The following SUMF1 variants were observed in gnomAD, a reference collection of about 807,000 sequenced individuals.
SUMF1 encodes the protein formylglycine-generating enzyme.
Under a neutral mutation model 47.6 loss-of-function variants are expected in SUMF1, and 48 were observed. That is an observed-to-expected ratio of 1.01 (90% confidence interval 0.80 to 1.28). The LOEUF is 1.28. SUMF1 is among the 50% of genes most tolerant of loss of function. The pLI is 0.00. For synonymous variants in SUMF1, 230 were observed against 192.1 expected, an observed-to-expected ratio of 1.20 and a Z score of -1.63; for missense variants, 571 against 485.4, an observed-to-expected ratio of 1.18 and a Z score of -1.66.
intron 8 of SUMF1, among the ~76,000 whole-genome samples, chr3:4,267,344 C>T (rs1697216509): frequency 6.6e-6 from 1 of 152,140 alleles, no homozygotes; most frequent in Non-Finnish European, 1.5e-5. Context: ...GGCTGTGAAT[C>T]CATCTGGTCC....
chr3:4,243,250 G>T (rs1398917733), intron 8 of SUMF1, among the ~76,000 whole-genome samples: 1 of 152,002 alleles, frequency 6.6e-6, no homozygotes, highest in African/African-American at 2.4e-5. Context: ...GGTTTTTTGG[G>T]TCTCTACCTC....
chr3:4,386,482 T>A (rs1198370137), intron 7 of SUMF1, among the ~76,000 whole-genome samples: 1 of 152,160 alleles, frequency 6.6e-6, no homozygotes, highest in Non-Finnish European at 1.5e-5. Flanking sequence ...AATATTAGTT[T>A]TAAGAAGATT....
intron 8 of SUMF1, chr3:4,313,992 A>G (rs981183652): frequency 1.1e-5 from 8 of 739,164 alleles, no homozygotes; most frequent in Non-Finnish European, 1.1e-5. Flanking sequence ...TGACTGTTCT[A>G]GTTAATAGGA....
At chr3:4,040,210 T>G (rs931226909) in intron 9 of SUMF1, among the ~76,000 whole-genome samples, 1 of 152,156 alleles carries the variant, frequency 6.6e-6, no homozygotes, top group Non-Finnish European at 1.5e-5. Flanking sequence ...CAATTTTAAT[T>G]TGTCAATTAT....
chr3:4,311,825 T>C (rs1360586691), intron 8 of SUMF1, among the ~76,000 whole-genome samples: 1 of 152,214 alleles, frequency 6.6e-6, no homozygotes, highest in Non-Finnish European at 1.5e-5. Context: ...AGGTATAAAA[T>C]GGTTTGAGTT....
In SUMF1 at chr3:4,420,077, TAG is replaced by T. The variant is rs774008490; in HGVS notation, c.587_588del (p.Ser196TyrfsTer17). ...ANWRHPEGPD[S>X]TILHRPDHPV... The stretch of plus-strand genomic sequence containing the variant: ...GACCAGCCTCACCTGTGCAGAATAG[TAG>T]AGTCAGGCCCTTCTGGGTGTCTCCA... On this transcript the variant is annotated frameshift_variant, in exon 4 of 9. Transcript: ENST00000272902. LOFTEE classifies it high-confidence loss of function. 3 of 1,614,060 alleles carry T rather than the reference TAG, an allele frequency of 1.9e-6. No homozygotes were observed. In the South Asian group the frequency reaches 3.3e-5, roughly 18 times the overall value.
intron 3 of SUMF1, among the ~76,000 whole-genome samples, chr3:4,443,893 C>T (rs972051812): frequency 1.3e-5 from 2 of 151,768 alleles, no homozygotes; most frequent in African/African-American, 4.8e-5. Flanking sequence ...CAAAAGGACA[C>T]ACAAAATAGT....
At chr3:4,109,393 A>G (rs1167198493) in intron 8 of SUMF1, among the ~76,000 whole-genome samples, 1 of 151,940 alleles carries the variant, frequency 6.6e-6, no homozygotes, top group Non-Finnish European at 1.5e-5. Context: ...GAATCTGACA[A>G]TTATGTGTCT....
At chr3:4,266,427 C>A (rs2125029588) in intron 8 of SUMF1, among the ~76,000 whole-genome samples, 1 of 152,182 alleles carries the variant, frequency 6.6e-6, no homozygotes, top group South Asian at 2.1e-4. Flanking sequence ...TTGTAGTTCT[C>A]CTTGAAGAGG....
chr3:4,044,101 TATA>T (rs1694963318), intron 9 of SUMF1, among the ~76,000 whole-genome samples: 1 of 152,150 alleles, frequency 6.6e-6, no homozygotes, highest in African/African-American at 2.4e-5. Context: ...ACACATAACC[TATA>T]ATAATAGTTG....
chr3:4,316,358 G>A (rs765542843), intron 8 of SUMF1: 1 of 1,529,564 alleles, frequency 6.5e-7, no homozygotes, highest in East Asian at 2.4e-5. Context: ...TGCAGTGGTG[G>A]TTCAAGAAGT....
intron 9 of SUMF1, among the ~76,000 whole-genome samples, chr3:4,058,899 C>G (rs1695234654): frequency 6.6e-6 from 1 of 152,044 alleles, no homozygotes; most frequent in Non-Finnish European, 1.5e-5. Context: ...TGTGAGATGT[C>G]AATCTGGGAG....
intron 8 of SUMF1, among the ~76,000 whole-genome samples, chr3:4,311,288 A>G (rs1444516644): frequency 4.6e-5 from 7 of 152,152 alleles, no homozygotes; most frequent in African/African-American, 1.7e-4. Context: ...CTGCTGTTCA[A>G]TACCTTTCTA....
intron 6 of SUMF1, among the ~76,000 whole-genome samples, chr3:4,415,593 G>A (rs1367421272): frequency 2.0e-5 from 3 of 152,094 alleles, no homozygotes; most frequent in Non-Finnish European, 4.4e-5. Flanking sequence ...CGGGAGGATC[G>A]CCTGAAGTCA....
chr3:4,353,367 C>T (rs931426778), intron 8 of SUMF1, among the ~76,000 whole-genome samples: 1 of 152,166 alleles, frequency 6.6e-6, no homozygotes, highest in South Asian at 2.1e-4. Flanking sequence ...ATTCTCCTGC[C>T]TCAGCCTCCC....
chr3:4,380,708 T>C (rs527351505), intron 7 of SUMF1, among the ~76,000 whole-genome samples: 1 of 152,262 alleles, frequency 6.6e-6, no homozygotes, highest in South Asian at 2.1e-4. Flanking sequence ...TCTAGTCCCA[T>C]AGACACGAAA....
At chr3:4,059,983 AGCCTGAG>A (rs1695251051) in intron 9 of SUMF1, among the ~76,000 whole-genome samples, 1 of 152,192 alleles carries the variant, frequency 6.6e-6, no homozygotes, top group Non-Finnish European at 1.5e-5. Flanking sequence ...AGGTGCAGGA[AGCCTGAG>A]GGGCTACGGA....
At chr3:4,247,820 C>A (rs1282118273) in intron 8 of SUMF1, among the ~76,000 whole-genome samples, 3 of 152,122 alleles carry the variant, frequency 2.0e-5, no homozygotes, top group Admixed American at 6.5e-5. Context: ...ACCAAGATTT[C>A]GATGAAGTAC....
At chr3:4,422,543 T>TTTGGTAGTAGTCCATTCTACTACTAA (rs1190399596) in intron 3 of SUMF1, among the ~76,000 whole-genome samples, 1 of 151,974 alleles carries the variant, frequency 6.6e-6, no homozygotes, top group African/African-American at 2.4e-5. Flanking sequence ...CTAATGGGTA[T>TTTGGTAGTAGTCCATTCTACTACTAA]TTGGGTAGTT....
Sources: allele counts gnomAD v4.1 joint callset (sites outside exome capture counted in the v4.1 genomes callset), GRCh38; gene constraint gnomAD v4.1.1; transcripts MANE v1.5; gene names NCBI Gene and HGNC (gene_info 2026-07-23, HGNC 2026-07-21).